RHOA: variants seen among roughly 807,000 people sequenced by gnomAD.
RHOA encodes the protein transforming protein RhoA.
A neutral mutation model predicts 17.5 loss-of-function variants in RHOA; 3 were observed. The observed-to-expected ratio is 0.17, with a 90% confidence interval of 0.08 to 0.44. RHOA has a LOEUF of 0.44. Among genes scored for constraint, RHOA ranks in the 20% least tolerant of loss-of-function variants. The pLI is 0.99. For synonymous variants in RHOA, 98 were observed against 88.4 expected, an observed-to-expected ratio of 1.11 and a Z score of -0.61; for missense variants, 56 against 242.3, an observed-to-expected ratio of 0.23 and a Z score of 5.10.
chr3:49,394,192 G>A (rs969706128), intron 1 of RHOA, among the ~76,000 whole-genome samples: 2 of 151,576 alleles, frequency 1.3e-5, no homozygotes, highest in African/African-American at 4.8e-5. Flanking sequence ...TTTTAGTAGA[G>A]ACAGGGATTC....
chr3:49,400,384 A>C (rs1400048618), intron 1 of RHOA, among the ~76,000 whole-genome samples: 2 of 151,810 alleles, frequency 1.3e-5, no homozygotes, highest in Non-Finnish European at 2.9e-5. Flanking sequence ...CACTACTCAT[A>C]ACATTTCCCC....
At chr3:49,398,931 C>T (rs2048668345) in intron 1 of RHOA, among the ~76,000 whole-genome samples, 1 of 148,434 alleles carries the variant, frequency 6.7e-6, no homozygotes, top group Non-Finnish European at 1.5e-5. Context: ...GTGGCTCACG[C>T]CTGTAATCCC....
In RHOA at chr3:49,374,272, C is replaced by T. The variant is rs150211690; in HGVS notation, c.156+1162G>A. On this transcript the variant is annotated intron_variant, in intron 2 of 4. Transcript: ENST00000418115. ...GATGAGGCAGGAGAACAGCGTGAACCCAGGAGGCAGAGCTTGAACTAGTAA... is the reference window on the plus strand; with the variant it reads ...GATGAGGCAGGAGAACAGCGTGAACTCAGGAGGCAGAGCTTGAACTAGTAA... Among the ~76,000 whole-genome samples, 417 of 152,180 alleles carry T rather than the reference C, an allele frequency of 2.7e-3. 3 individuals are homozygous for T. The highest frequency in any genetic ancestry group is 9.3e-3 in the African/African-American group (387 of 41,542).
intron 1 of RHOA, among the ~76,000 whole-genome samples, chr3:49,399,362 T>A (rs1312785334): frequency 7.1e-6 from 1 of 141,032 alleles, no homozygotes; most frequent in Admixed American, 7.0e-5. Context: ...AGAGCGAGAC[T>A]CTGTCTCAAA....
At chr3:49,379,663 T>C (rs1342459069) in intron 1 of RHOA, among the ~76,000 whole-genome samples, 2 of 152,042 alleles carry the variant, frequency 1.3e-5, no homozygotes, top group Non-Finnish European at 2.9e-5. Flanking sequence ...TAAAGGTGCA[T>C]GCCACCACAC....
At chr3:49,361,313 T>C (rs1048734641) in intron 4 of RHOA, among the ~76,000 whole-genome samples, 4 of 152,112 alleles carry the variant, frequency 2.6e-5, no homozygotes, top group African/African-American at 9.7e-5. Flanking sequence ...ACCCTTGACA[T>C]TCAGACAGAG....
chr3:49,405,045 C>T (rs1245593081), intron 1 of RHOA, among the ~76,000 whole-genome samples: 2 of 150,350 alleles, frequency 1.3e-5, no homozygotes, highest in Admixed American at 6.7e-5. Flanking sequence ...GTCAGGAGAT[C>T]GGGACCATCC....
At chr3:49,369,181 G>A (rs2048111079) in intron 2 of RHOA, among the ~76,000 whole-genome samples, 1 of 146,996 alleles carries the variant, frequency 6.8e-6, no homozygotes, top group African/African-American at 2.5e-5. Flanking sequence ...CCGCCACCAC[G>A]CTTGGCTAAT....
At chr3:49,408,175 A>ATAT (rs1177222331) in intron 1 of RHOA, among the ~76,000 whole-genome samples, 1 of 146,500 alleles carries the variant, frequency 6.8e-6, no homozygotes, top group East Asian at 1.9e-4. Flanking sequence ...GAAAAAAAAA[A>ATAT]AAATATATAT....
At chr3:49,368,084 G>A (rs149905183) in intron 3 of RHOA, among the ~76,000 whole-genome samples, 2 of 151,684 alleles carry the variant, frequency 1.3e-5, no homozygotes, top group East Asian at 3.9e-4. Context: ...TAATTTTTTT[G>A]TACTTTTAGT....
chr3:49,401,056 A>G (rs1439324651), intron 1 of RHOA, among the ~76,000 whole-genome samples: 1 of 150,958 alleles, frequency 6.6e-6, no homozygotes, highest in African/African-American at 2.4e-5. Context: ...AAAAAAAAAA[A>G]AAAAAGAGTT....
At position 49,375,616 on chromosome 3, in the gene RHOA, C is replaced by T. The variant is rs780633579; in HGVS notation, c.-2-25G>A. On this transcript the variant is annotated intron_variant, in intron 1 of 4. Coordinates refer to ENST00000418115, the MANE Select transcript of RHOA (RefSeq NM_001664.4). ...GCTGAAACACAAAACACAGATATTACCTGCAATGCACAAGAAGTCATAGGT... is the reference window on the plus strand; with the variant it reads ...GCTGAAACACAAAACACAGATATTATCTGCAATGCACAAGAAGTCATAGGT... The T allele has an allele frequency of 9.3e-6, 15 of 1,608,836 alleles. 1 individual carries two copies. The African/African-American group carries it at 1.2e-4, about 13-fold the overall frequency.
chr3:49,406,104 C>A (rs1304865150), intron 1 of RHOA, among the ~76,000 whole-genome samples: 3 of 152,132 alleles, frequency 2.0e-5, no homozygotes, highest in African/African-American at 7.2e-5. Context: ...CACAAAAAAA[C>A]AGGTATTTCC....
At chr3:49,408,176 AAATATAT>A (rs1251914791) in intron 1 of RHOA, among the ~76,000 whole-genome samples, 7 of 144,438 alleles carry the variant, frequency 4.8e-5, no homozygotes, top group Non-Finnish European at 7.5e-5. Context: ...AAAAAAAAAA[AAATATAT>A]ATATATACAC....
rs557821795 is a variant in RHOA at position 49,402,627 on chromosome 3, T to C, written c.-3+9193A>G. On this transcript the variant is annotated intron_variant, in intron 1 of 4. Transcript: ENST00000418115. Reference sequence around the variant, plus strand: ...AGTTAGAGGCTGCAGTGAGCCACGATAGCACCACTGCACTCCAGCCTGGGA... The same window carrying C: ...AGTTAGAGGCTGCAGTGAGCCACGACAGCACCACTGCACTCCAGCCTGGGA... 1.2e-4 allele frequency among the ~76,000 whole-genome samples: 18 copies of C among 152,214 alleles called. No homozygotes were observed. The South Asian group carries it at 2.9e-3, about 25-fold the overall frequency.
chr3:49,380,656 CAG>C (rs1422945565), intron 1 of RHOA, among the ~76,000 whole-genome samples: 3 of 148,134 alleles, frequency 2.0e-5, no homozygotes, highest in Admixed American at 6.9e-5. Flanking sequence ...GCCTGGGTGA[CAG>C]AGACTCTTGT....
chr3:49,382,635 C>T (rs1459825391), intron 1 of RHOA, among the ~76,000 whole-genome samples: 2 of 151,818 alleles, frequency 1.3e-5, no homozygotes, highest in East Asian at 3.9e-4. Flanking sequence ...GACCCTGTCT[C>T]ACCAAATAAA....
At chr3:49,401,962 C>T (rs1270352759) in intron 1 of RHOA, among the ~76,000 whole-genome samples, 1 of 152,162 alleles carries the variant, frequency 6.6e-6, no homozygotes, top group Non-Finnish European at 1.5e-5. Flanking sequence ...CAAGAGCTTT[C>T]CTTTCTGTAG....
chr3:49,390,757 G>C (rs1575667450), intron 1 of RHOA, among the ~76,000 whole-genome samples: 2 of 152,082 alleles, frequency 1.3e-5, no homozygotes, highest in East Asian at 3.9e-4. Flanking sequence ...ATCTATTTCA[G>C]AAAAGGTAAA....
Sources: gnomAD v4.1 joint callset for allele counts (sites outside exome capture counted in the v4.1 genomes callset) on GRCh38, gnomAD v4.1.1 for gene constraint, MANE v1.5 for transcripts, NCBI Gene and HGNC (gene_info 2026-07-23, HGNC 2026-07-21) for gene names.